CPA6: variants seen among roughly 807,000 people sequenced by gnomAD.
CPA6 encodes the protein carboxypeptidase B.
Under a neutral mutation model 63.3 loss-of-function variants are expected in CPA6, and 58 were observed. The observed-to-expected ratio is 0.92, with a 90% CI of 0.74 to 1.14. The LOEUF is 1.14. CPA6 is among the 50% of genes most tolerant of loss of function. The pLI is 0.00. For missense variants in CPA6, 565 were observed against 526.6 expected, an observed-to-expected ratio of 1.07 and a Z score of -0.71; for synonymous variants, 185 against 179.0, an observed-to-expected ratio of 1.03 and a Z score of -0.27.
chr8:67,536,393 C>G (rs1812585669), intron 2 of CPA6, among the ~76,000 whole-genome samples: 1 of 152,114 alleles, frequency 6.6e-6, no homozygotes, highest in South Asian at 2.1e-4. Context: ...TTGCAGTTCT[C>G]CTTGAAGAGG....
intron 1 of CPA6, among the ~76,000 whole-genome samples, chr8:67,691,343 C>T (rs1411521728): frequency 1.3e-5 from 2 of 152,094 alleles, no homozygotes; most frequent in African/African-American, 4.8e-5. Context: ...TTTTTGGCTC[C>T]CTTAATTTAG....
chr8:67,680,398 G>A (rs911425954), intron 1 of CPA6, among the ~76,000 whole-genome samples: 1 of 151,810 alleles, frequency 6.6e-6, no homozygotes, highest in Non-Finnish European at 1.5e-5. Flanking sequence ...AGCTATTTAG[G>A]AGGCTGAGGT....
rs1274157095 is a variant in CPA6 at position 67,428,137 on chromosome 8, A to C, written c.1042-6T>G. The C allele has an allele frequency of 3.8e-6, 6 of 1,594,386 alleles. No individual in the cohort carries two copies. In the South Asian group the frequency reaches 4.4e-5, roughly 12 times the overall value. On this transcript the variant is annotated splice_region_variant and splice_polypyrimidine_tract_variant and intron_variant, in intron 9 of 10. Transcript: ENST00000297770. ...GCTTTATAAGCTGCAGATTCCTATGAGGGAAAATGGGGAAATTTTATATAT... is the reference window on the plus strand; with the variant it reads ...GCTTTATAAGCTGCAGATTCCTATGCGGGAAAATGGGGAAATTTTATATAT...
At chr8:67,553,942 C>G (rs1366768105) in intron 2 of CPA6, among the ~76,000 whole-genome samples, 2 of 152,160 alleles carry the variant, frequency 1.3e-5, no homozygotes, top group Admixed American at 6.5e-5. Flanking sequence ...TTGCTGTAAA[C>G]CATGTGCTAT....
intron 2 of CPA6, among the ~76,000 whole-genome samples, chr8:67,548,329 G>T (rs1414490660): frequency 2.7e-5 from 4 of 149,330 alleles, no homozygotes; most frequent in Non-Finnish European, 5.9e-5. Context: ...TCTGCTCACT[G>T]CAGCCTTCAA....
intron 8 of CPA6, among the ~76,000 whole-genome samples, chr8:67,442,915 G>A (rs1450263388): frequency 6.6e-6 from 1 of 152,088 alleles, no homozygotes; most frequent in Non-Finnish European, 1.5e-5. Context: ...CCTTTACAAG[G>A]CAACTTTGGC....
chr8:67,568,401 A>G (rs544440236), intron 2 of CPA6, among the ~76,000 whole-genome samples: 1 of 152,346 alleles, frequency 6.6e-6, no homozygotes, highest in African/African-American at 2.4e-5. Flanking sequence ...GAATATACAG[A>G]TAAAAAATTA....
chr8:67,736,654 T>G (rs1165266281), intron 1 of CPA6, among the ~76,000 whole-genome samples: 1 of 152,200 alleles, frequency 6.6e-6, no homozygotes, highest in Non-Finnish European at 1.5e-5. Context: ...TGTAATGAGT[T>G]CTTCCAGGGT....
At chr8:67,707,610 TA>T (rs987154864) in intron 1 of CPA6, among the ~76,000 whole-genome samples, 4 of 152,142 alleles carry the variant, frequency 2.6e-5, no homozygotes, top group Non-Finnish European at 5.9e-5. Context: ...TGCTTTCCTT[TA>T]AAAAATCAAA....
rs1221874624 is a variant in CPA6, at chr8:67,422,705, C to T, written c.1127-14G>A. 8.1e-7 allele frequency: 1 copy of T among 1,229,120 alleles called. No individual in the cohort carries two copies. Among genetic ancestry groups the T allele is most frequent in the Middle Eastern group, 2.1e-4 (1 of 4,820 alleles). The allele number at this position is 1,229,120 out of a possible 1,614,324, so 76.1% of individuals were successfully genotyped here. A position where few individuals can be genotyped will look rare whatever the true frequency, so the allele number is the denominator to read the frequency against. On this transcript the variant is annotated splice_polypyrimidine_tract_variant and intron_variant, in intron 10 of 10. Transcript: ENST00000297770. ...CAGAGCTCACATCTAAAAGTTAAAA[C>T]AAAAAAAAAAAGATCAGCCTCACTA...
At chr8:67,661,642 A>G (rs1461649403) in intron 1 of CPA6, among the ~76,000 whole-genome samples, 4 of 152,202 alleles carry the variant, frequency 2.6e-5, no homozygotes, top group Non-Finnish European at 4.4e-5. Flanking sequence ...ACAGTGCAAG[A>G]GAATTGGGGG....
At chr8:67,655,856 A>T (rs1815971020) in intron 1 of CPA6, among the ~76,000 whole-genome samples, 1 of 152,208 alleles carries the variant, frequency 6.6e-6, no homozygotes, top group Non-Finnish European at 1.5e-5. Context: ...AGAAGACAGT[A>T]TCTGAAAAAG....
In CPA6 at chr8:67,422,472, C is replaced by A. The variant is rs948251706; in HGVS notation, c.*32G>T. 1 of 1,593,110 alleles carries A rather than the reference C, an allele frequency of 6.3e-7. No homozygotes were observed. The highest frequency in any genetic ancestry group is 1.3e-5 in the African/African-American group (1 of 74,394). ...GGGCCAAGTAGGCCTTGCTCAGAAT[C>A]CTATGGCAGTTGACCTGAGCCTTGG... On this transcript the variant is annotated 3_prime_UTR_variant, in exon 11 of 11. Coordinates refer to ENST00000297770, the MANE Select transcript of CPA6 (RefSeq NM_020361.5).
chr8:67,433,396 T>G (rs2128952165), intron 9 of CPA6, among the ~76,000 whole-genome samples: 1 of 152,338 alleles, frequency 6.6e-6, no homozygotes, highest in Admixed American at 6.5e-5. Context: ...GTGAATAGCT[T>G]GTTGGGTTTC....
In CPA6 at chr8:67,487,203, C is replaced by T. The variant is rs565559655; in HGVS notation, c.637-2414G>A. On this transcript the variant is annotated intron_variant, in intron 6 of 10. Transcript: ENST00000297770. ...GTTTCTCCTAATGTTATCCCTTCCC[C>T]TGACCCCCACCTCAAGAAAGGTCCC... Among the ~76,000 whole-genome samples, 3 of 152,254 alleles carry T rather than the reference C, an allele frequency of 2.0e-5. No individual in the cohort carries two copies. In the South Asian group the frequency reaches 6.2e-4, roughly 32 times the overall value.
chr8:67,518,141 T>A, intron 2 of CPA6, 94 bp from the exon 3 acceptor site: 1 of 1,198,982 alleles, frequency 8.3e-7, no homozygotes, highest in Non-Finnish European at 1.1e-6. Flanking sequence ...TTGCATATAG[T>A]AACACCAAAC....
intron 6 of CPA6, among the ~76,000 whole-genome samples, chr8:67,504,472 G>T (rs2128964350): frequency 6.6e-6 from 1 of 152,288 alleles, no homozygotes; most frequent in African/African-American, 2.4e-5. Context: ...TCCATCTGGG[G>T]CCTGTTTTCT....
chr8:67,517,706 A>T (rs1397412691), intron 3 of CPA6, among the ~76,000 whole-genome samples: 1 of 152,228 alleles, frequency 6.6e-6, no homozygotes. Flanking sequence ...ACTTAGTGGT[A>T]ACAGTGAATA....
chr8:67,605,929 G>C (rs1814625246), intron 2 of CPA6, among the ~76,000 whole-genome samples: 1 of 151,996 alleles, frequency 6.6e-6, no homozygotes, highest in South Asian at 2.1e-4. Context: ...TGGACCATAG[G>C]GGGAACTCAT....
Sources: allele counts gnomAD v4.1 joint callset (sites outside exome capture counted in the v4.1 genomes callset), GRCh38; gene constraint gnomAD v4.1.1; transcripts MANE v1.5; gene names NCBI Gene and HGNC (gene_info 2026-07-23, HGNC 2026-07-21).